USH2A: variants seen among roughly 807,000 people sequenced by gnomAD.
The protein encoded by USH2A is usherin, also known as Usher syndrome 2A (autosomal recessive, mild).
USH2A carries 443 observed loss-of-function variants against 538.9 expected under a neutral mutation model. The observed-to-expected ratio is 0.82, with a 90% CI of 0.76 to 0.89. The LOEUF is 0.89. Among genes scored for constraint, USH2A ranks in the 40% least tolerant of loss-of-function variants. The probability of loss-of-function intolerance (pLI) is 0.00; values close to 1 mark genes in which losing one functional copy is unlikely to be tolerated. For synonymous variants in USH2A, 2,413 were observed against 2,273.5 expected (o/e 1.06, Z -1.75); for missense variants, 6,633 against 6,324.8 (o/e 1.05, Z -1.65).
intron 60 of USH2A, among the ~76,000 whole-genome samples, chr1:215,731,871 G>T (rs1313603083): frequency 6.6e-6 from 1 of 152,174 alleles, no homozygotes; most frequent in Non-Finnish European, 1.5e-5. Flanking sequence ...AACATCTGTA[G>T]TCAGAGGAGA....
At chr1:215,684,262 C>T (rs918376219) in intron 61 of USH2A, among the ~76,000 whole-genome samples, 1 of 152,188 alleles carries the variant, frequency 6.6e-6, no homozygotes, top group Non-Finnish European at 1.5e-5. Context: ...GGGACATATG[C>T]AACTACTTGG....
At chr1:215,981,736 T>C (rs1434756289) in intron 35 of USH2A, among the ~76,000 whole-genome samples, 1 of 152,200 alleles carries the variant, frequency 6.6e-6, no homozygotes, top group African/African-American at 2.4e-5. Context: ...TCAACATCTT[T>C]TATAATTAAT....
chr1:215,793,702 C>T (rs1662044367), intron 50 of USH2A, among the ~76,000 whole-genome samples: 2 of 152,070 alleles, frequency 1.3e-5, no homozygotes, highest in African/African-American at 2.4e-5. Flanking sequence ...AAACAAACAG[C>T]GATAGTCATT....
chr1:215,673,551 G>A (rs1657894216), intron 63 of USH2A, among the ~76,000 whole-genome samples: 1 of 152,286 alleles, frequency 6.6e-6, no homozygotes, highest in Admixed American at 6.5e-5. Flanking sequence ...GAAAACATGA[G>A]CTAGCAAAGT....
At chr1:215,828,290 A>G (rs1663211607) in intron 47 of USH2A, among the ~76,000 whole-genome samples, 1 of 152,072 alleles carries the variant, frequency 6.6e-6, no homozygotes, top group Admixed American at 6.6e-5. Flanking sequence ...CAACTCTACA[A>G]AATAATTTTA....
chr1:215,809,862 G>C (rs1435042512), intron 49 of USH2A, among the ~76,000 whole-genome samples: 1 of 152,122 alleles, frequency 6.6e-6, no homozygotes, highest in Non-Finnish European at 1.5e-5. Context: ...GCCTTGAACT[G>C]GCAGACTAGT....
chr1:216,116,274 AT>A (rs1431043358), intron 21 of USH2A, among the ~76,000 whole-genome samples: 1 of 152,116 alleles, frequency 6.6e-6, no homozygotes. Flanking sequence ...TAAAATTTAT[AT>A]TTATTTTGAT....
rs751153999 is a variant in USH2A at position 215,813,851 on chromosome 1, T to C, written c.9624A>G (p.Glu3208=). The change falls in exon 49 of 72, where the codon GAA becomes GAG. Residue 3208 remains glutamate, a synonymous_variant. Coordinates refer to ENST00000307340, the MANE Select transcript of USH2A (RefSeq NM_206933.4). ...YNPKPGHRCC[E]EKYIPFVLNS... ...TCAGAACAAACGGGATATACTTTTC[T>C]TCACAACAGCGATGTCCAGGCTTGG... The C allele has an allele frequency of 4.3e-6, 7 of 1,613,814 alleles. No homozygotes were observed. The highest frequency in any genetic ancestry group is 1.1e-5 in the South Asian group (1 of 91,090).
rs190888038 is a variant in USH2A, at chr1:216,246,514, A to T, written c.2809+71T>A. On this transcript the variant is annotated intron_variant, in intron 13 of 71. Coordinates refer to ENST00000307340, the MANE Select transcript of USH2A (RefSeq NM_206933.4). ...TTTGTAGAAGCCACAAACCAGAAAC[A>T]GGGAGAAGTTACCTAAGTTAACAAA... 398 of 1,606,244 alleles carry T rather than the reference A, an allele frequency of 2.5e-4. 1 individual carries two copies. In the African/African-American group the frequency reaches 4.8e-3, roughly 19 times the overall value.
In USH2A at chr1:216,120,219, CA is replaced by C. The variant is rs10525093; in HGVS notation, c.4628-23007del. On this transcript the variant is annotated intron_variant, in intron 21 of 71. Transcript: ENST00000307340. Reference sequence around the variant, plus strand: ...TATTAAAACAGGTCATACTAAATAGCAAAAAAAAAAAAAAAAAAAAAAAAAA... The same window carrying C: ...TATTAAAACAGGTCATACTAAATAGCAAAAAAAAAAAAAAAAAAAAAAAAA... Among the ~76,000 whole-genome samples, 160 of 99,908 alleles carry C rather than the reference CA, an allele frequency of 1.6e-3. 1 individual carries two copies. Among genetic ancestry groups the C allele is most frequent in the African/African-American group, 4.9e-3 (129 of 26,246 alleles). The allele number at this position is 99,908 out of a possible 152,430, so 65.5% of individuals were successfully genotyped here. A position where few individuals can be genotyped will look rare whatever the true frequency, so the allele number is the denominator to read the frequency against.
At chr1:215,994,730 A>G (rs948899467) in intron 34 of USH2A, among the ~76,000 whole-genome samples, 1 of 152,158 alleles carries the variant, frequency 6.6e-6, no homozygotes, top group Non-Finnish European at 1.5e-5. Flanking sequence ...ATCTTTGCAA[A>G]TGTGGCCAAA....
chr1:215,833,525 AGT>A (rs1441096689), intron 47 of USH2A, among the ~76,000 whole-genome samples: 2 of 152,054 alleles, frequency 1.3e-5, no homozygotes, highest in African/African-American at 4.8e-5. Context: ...CTCATGCCTC[AGT>A]GTATACAAAA....
intron 64 of USH2A, among the ~76,000 whole-genome samples, chr1:215,658,490 T>G (rs2102650990): frequency 6.6e-6 from 1 of 152,314 alleles, no homozygotes; most frequent in South Asian, 2.1e-4. Context: ...TGCAACTTGG[T>G]AAGTGGTAAG....
intron 21 of USH2A, among the ~76,000 whole-genome samples, chr1:216,168,986 A>T (rs972670697): frequency 1.3e-5 from 2 of 152,112 alleles, no homozygotes; most frequent in African/African-American, 2.4e-5. Flanking sequence ...TTTCAGTAAT[A>T]ATAAAACTCA....
At chr1:216,383,866 C>CTTTTTTTTT (rs57494312) in intron 3 of USH2A, among the ~76,000 whole-genome samples, 3 of 134,922 alleles carry the variant, frequency 2.2e-5, no homozygotes, top group African/African-American at 5.7e-5. Context: ...TTCTTTCTTT[C>CTTTTTTTTT]TTTTTTTTTT....
chr1:216,050,772 TTTTTTTGTA>T (rs1265967394), intron 30 of USH2A, among the ~76,000 whole-genome samples: 1 of 150,550 alleles, frequency 6.6e-6, no homozygotes, highest in Admixed American at 6.6e-5. Flanking sequence ...GCCCGGCTAA[TTTTTTTGTA>T]TTTTTAGTAG....
chr1:215,631,185 C>T (rs1053619493), intron 70 of USH2A, among the ~76,000 whole-genome samples: 22 of 151,930 alleles, frequency 1.4e-4, no homozygotes, highest in African/African-American at 4.8e-4. Context: ...GGAAGAGGGT[C>T]ACAGCAGCAC....
rs1657814280 is a variant in USH2A at position 215,671,435 on chromosome 1, T to A, written c.13812-142A>T. 3.1e-6 allele frequency: 3 copies of A among 958,090 alleles called. No individual in the cohort carries two copies. In the Admixed American group the frequency reaches 6.7e-5, roughly 21 times the overall value. The allele number at this position is 958,090 out of a possible 1,614,324, so 59.3% of individuals were successfully genotyped here. A position where few individuals can be genotyped will look rare whatever the true frequency, so the allele number is the denominator to read the frequency against. On this transcript the variant is annotated intron_variant, in intron 63 of 71. Coordinates refer to ENST00000307340, the MANE Select transcript of USH2A (RefSeq NM_206933.4). The stretch of plus-strand genomic sequence containing the variant: ...AGCTAATTCTTAAGAATAACAAAGT[T>A]GAGAATGGCTTGAACCTGGGAGGCA...
chr1:215,800,492 G>T (rs1485126609), intron 49 of USH2A, among the ~76,000 whole-genome samples: 5 of 152,118 alleles, frequency 3.3e-5, no homozygotes, highest in Non-Finnish European at 7.4e-5. Flanking sequence ...GACTTGTCAA[G>T]CTTTCTTAAG....
Sources: allele counts gnomAD v4.1 joint callset (sites outside exome capture counted in the v4.1 genomes callset), GRCh38; gene constraint gnomAD v4.1.1; transcripts MANE v1.5; gene names NCBI Gene and HGNC (gene_info 2026-07-23, HGNC 2026-07-21).